Variants in CSNK1G3 observed in about 807,000 individuals in gnomAD.
The protein encoded by CSNK1G3 is casein kinase I isoform gamma-3.
CSNK1G3 carries 23 observed loss-of-function variants against 64.3 expected under a neutral mutation model. The ratio of observed to expected loss-of-function variants is 0.36; its 90% CI spans 0.26 to 0.51. CSNK1G3 has a LOEUF of 0.51. Ranked by LOEUF, CSNK1G3 falls within the 20% of genes least tolerant of loss-of-function variation. CSNK1G3 has a pLI of 0.96. For synonymous variants in CSNK1G3, 158 were observed against 162.2 expected (o/e 0.97, Z 0.20); for missense variants, 357 against 510.5 (o/e 0.70, Z 2.90).
At chr5:123,598,893 A>G (rs1223318934) in intron 10 of CSNK1G3, among the ~76,000 whole-genome samples, 3 of 152,140 alleles carry the variant, frequency 2.0e-5, no homozygotes, top group African/African-American at 4.8e-5. Context: ...AATGTTGGGT[A>G]GTGGGGATAA....
At chr5:123,513,397 G>A (rs935093683) in intron 1 of CSNK1G3, among the ~76,000 whole-genome samples, 1 of 152,084 alleles carries the variant, frequency 6.6e-6, no homozygotes, top group African/African-American at 2.4e-5. Flanking sequence ...GTTTTAGGGA[G>A]GAAAAGTTCA....
chr5:123,588,207 G>C, intron 7 of CSNK1G3, 54 bp downstream of exon 7: 2 of 1,313,074 alleles, frequency 1.5e-6, no homozygotes, highest in Non-Finnish European at 2.2e-6. Context: ...AGATATTAAG[G>C]TCCTGTCTTC....
intron 6 of CSNK1G3, among the ~76,000 whole-genome samples, chr5:123,580,211 T>A (rs1185119994): frequency 6.6e-6 from 1 of 151,956 alleles, no homozygotes; most frequent in Non-Finnish European, 1.5e-5. Flanking sequence ...CACCCATCTT[T>A]CCATCCATTC....
chr5:123,555,016 T>G (rs140221406), intron 3 of CSNK1G3, among the ~76,000 whole-genome samples: 45 of 152,244 alleles, frequency 3.0e-4, no homozygotes, highest in Non-Finnish European at 5.1e-4. Flanking sequence ...TCTTTCAGCC[T>G]TCTTATATAC....
intron 1 of CSNK1G3, among the ~76,000 whole-genome samples, chr5:123,542,851 T>A (rs1781896609): frequency 7.6e-6 from 1 of 132,280 alleles, no homozygotes; most frequent in South Asian, 2.5e-4. Flanking sequence ...CTAGATTTAG[T>A]GTGTGTGTGT....
chr5:123,590,294 G>T, intron 8 of CSNK1G3, 116 bp from the exon 9 acceptor site: 1 of 423,572 alleles, frequency 2.4e-6, no homozygotes, highest in East Asian at 3.8e-5. Flanking sequence ...AAATTGCAAT[G>T]TAATTTTGTT....
At chr5:123,613,189 T>C (rs1338089014) in intron 12 of CSNK1G3, among the ~76,000 whole-genome samples, 1 of 143,670 alleles carries the variant, frequency 7.0e-6, no homozygotes, top group Admixed American at 7.0e-5. Flanking sequence ...AATTTTTTTC[T>C]TTTTTTTTTT....
At chr5:123,550,063 C>T (rs926704520) in intron 2 of CSNK1G3, among the ~76,000 whole-genome samples, 1 of 152,048 alleles carries the variant, frequency 6.6e-6, no homozygotes, top group African/African-American at 2.4e-5. Context: ...TGGATGGGTT[C>T]ATCATTTTCA....
At chr5:123,609,446 A>G (rs150601575) in intron 12 of CSNK1G3, among the ~76,000 whole-genome samples, 1,848 of 152,274 alleles carry the variant, frequency 0.012, 44 homozygotes, top group African/African-American at 0.042. Flanking sequence ...ATGTTTTAAG[A>G]TTATAGTATT....
chr5:123,587,169 C>T (rs1418826219), intron 6 of CSNK1G3, among the ~76,000 whole-genome samples: 1 of 152,184 alleles, frequency 6.6e-6, no homozygotes, highest in Non-Finnish European at 1.5e-5. Context: ...TTTTCTGACC[C>T]TTCATCCTAG....
chr5:123,551,384 A>G (rs1783608132), intron 2 of CSNK1G3, among the ~76,000 whole-genome samples: 2 of 152,208 alleles, frequency 1.3e-5, no homozygotes, highest in African/African-American at 4.8e-5. Context: ...ATTTTTAAAA[A>G]TATGTATATA....
intron 10 of CSNK1G3, among the ~76,000 whole-genome samples, chr5:123,602,699 C>T (rs1794704441): frequency 6.6e-6 from 1 of 151,978 alleles, no homozygotes; most frequent in Non-Finnish European, 1.5e-5. Context: ...ATAAATTTGC[C>T]TTTAGAAATG....
intron 4 of CSNK1G3, among the ~76,000 whole-genome samples, chr5:123,567,731 A>C (rs1256122139): frequency 6.6e-6 from 1 of 152,236 alleles, no homozygotes; most frequent in Non-Finnish European, 1.5e-5. Flanking sequence ...CAAAGGCTGT[A>C]TTATATTCCG....
intron 1 of CSNK1G3, among the ~76,000 whole-genome samples, chr5:123,534,148 C>T (rs981647968): frequency 6.6e-6 from 1 of 151,920 alleles, no homozygotes; most frequent in Non-Finnish European, 1.5e-5. Context: ...TATACTAGAG[C>T]CCTTGTCATC....
intron 8 of CSNK1G3, among the ~76,000 whole-genome samples, chr5:123,588,762 T>C (rs569935735): frequency 1.3e-5 from 2 of 152,290 alleles, no homozygotes; most frequent in South Asian, 4.1e-4. Context: ...ATATTTTCTT[T>C]AGTGATATAC....
chr5:123,563,956 A>G (rs1041240207), intron 4 of CSNK1G3, among the ~76,000 whole-genome samples: 15 of 152,206 alleles, frequency 9.9e-5, no homozygotes, highest in East Asian at 3.9e-4. Flanking sequence ...TATGTAGCAG[A>G]TTCTTAGAAT....
intron 10 of CSNK1G3, among the ~76,000 whole-genome samples, chr5:123,595,829 A>G (rs1377723272): frequency 1.3e-5 from 2 of 152,036 alleles, no homozygotes; most frequent in Non-Finnish European, 2.9e-5. Flanking sequence ...TTAATCATTT[A>G]TGTATATTGT....
intron 4 of CSNK1G3, among the ~76,000 whole-genome samples, chr5:123,568,625 G>T (rs1787431261): frequency 6.6e-6 from 1 of 152,200 alleles, no homozygotes; most frequent in African/African-American, 2.4e-5. Context: ...AAGAGGATCA[G>T]CTTTGATGAT....
At chr5:123,526,652 A>T (rs1384758606) in intron 1 of CSNK1G3, among the ~76,000 whole-genome samples, 1 of 152,148 alleles carries the variant, frequency 6.6e-6, no homozygotes, top group African/African-American at 2.4e-5. Context: ...TATCATATAA[A>T]TTGAAACATG....
Sources: gnomAD v4.1 joint callset for allele counts (sites outside exome capture counted in the v4.1 genomes callset) on GRCh38, gnomAD v4.1.1 for gene constraint, MANE v1.5 for transcripts, NCBI Gene and HGNC (gene_info 2026-07-23, HGNC 2026-07-21) for gene names.